ASAP1: variants seen among roughly 807,000 people sequenced by gnomAD.
ASAP1 encodes arf-GAP with SH3 domain, ANK repeat and PH domain-containing protein 1.
ASAP1 carries 43 observed loss-of-function variants against 145.2 expected under a neutral mutation model. The ratio of observed to expected loss-of-function variants is 0.30; its 90% confidence interval spans 0.23 to 0.38. The LOEUF is 0.38. Ranked by LOEUF, ASAP1 falls within the 10% of genes least tolerant of loss-of-function variation. The pLI, the probability that ASAP1 is intolerant of heterozygous loss-of-function variation, is 1.00. For missense variants in ASAP1, 1,018 were observed against 1,355.3 expected (o/e 0.75, Z 3.91); for synonymous variants, 546 against 515.5 (o/e 1.06, Z -0.80).
At chr8:130,239,286 C>T (rs1269000789) in intron 3 of ASAP1, among the ~76,000 whole-genome samples, 1 of 152,086 alleles carries the variant, frequency 6.6e-6, no homozygotes, top group African/African-American at 2.4e-5. Flanking sequence ...TAATATTTAA[C>T]ATATACTTGG....
chr8:130,426,099 C>A (rs1287224921), intron 1 of ASAP1, among the ~76,000 whole-genome samples: 1 of 152,132 alleles, frequency 6.6e-6, no homozygotes, highest in Non-Finnish European at 1.5e-5. Flanking sequence ...GTGATTGAAT[C>A]ATGAAAGGTG....
At chr8:130,413,754 T>C (rs572023478) in intron 1 of ASAP1, among the ~76,000 whole-genome samples, 1 of 152,334 alleles carries the variant, frequency 6.6e-6, no homozygotes, top group Non-Finnish European at 1.5e-5. Context: ...GGAATCCCTA[T>C]ATATCTGCAT....
intron 27 of ASAP1, among the ~76,000 whole-genome samples, chr8:130,065,842 C>T (rs1013546792): frequency 2.0e-5 from 3 of 152,184 alleles, no homozygotes; most frequent in Non-Finnish European, 4.4e-5. Flanking sequence ...GTACTAGCCT[C>T]ACTGTTCTTT....
chr8:130,428,079 G>T (rs1829990657), intron 1 of ASAP1, among the ~76,000 whole-genome samples: 1 of 152,084 alleles, frequency 6.6e-6, no homozygotes, highest in South Asian at 2.1e-4. Context: ...TTGTCTACAT[G>T]GTGACTCATG....
chr8:130,420,681 G>T (rs1829684213), intron 1 of ASAP1, among the ~76,000 whole-genome samples: 1 of 152,010 alleles, frequency 6.6e-6, no homozygotes, highest in African/African-American at 2.4e-5. Context: ...ATCACCTGAG[G>T]TCAGGAGTTC....
At chr8:130,220,296 G>A (rs141895149) in intron 4 of ASAP1, among the ~76,000 whole-genome samples, 20 of 152,138 alleles carry the variant, frequency 1.3e-4, no homozygotes, top group African/African-American at 2.7e-4. Flanking sequence ...AGTAATAATC[G>A]TTACAATAGC....
chr8:130,175,352 C>T (rs866594962), intron 9 of ASAP1, among the ~76,000 whole-genome samples: 4 of 152,116 alleles, frequency 2.6e-5, no homozygotes, highest in Non-Finnish European at 4.4e-5. Flanking sequence ...TCCCAAGTAG[C>T]TGGGAAAATA....
intron 1 of ASAP1, among the ~76,000 whole-genome samples, chr8:130,420,168 T>C (rs1309809589): frequency 6.6e-6 from 1 of 151,126 alleles, no homozygotes; most frequent in Admixed American, 6.6e-5. Flanking sequence ...CATTAGTCAT[T>C]AGGGAAATGC....
At chr8:130,065,250 G>GA (rs2097428215) in intron 27 of ASAP1, among the ~76,000 whole-genome samples, 1 of 152,138 alleles carries the variant, frequency 6.6e-6, no homozygotes, top group African/African-American at 2.4e-5. Context: ...GCGGGGTCTG[G>GA]AAGGGTCCTG....
At chr8:130,375,285 C>G (rs555671713) in intron 2 of ASAP1, among the ~76,000 whole-genome samples, 129 of 152,114 alleles carry the variant, frequency 8.5e-4, no homozygotes, top group Admixed American at 2.6e-3. Context: ...TTCTATTGGC[C>G]ACTGCAGGAA....
intron 1 of ASAP1, among the ~76,000 whole-genome samples, chr8:130,428,326 G>A (rs993069986): frequency 2.8e-5 from 4 of 140,516 alleles, no homozygotes; most frequent in Non-Finnish European, 4.6e-5. Context: ...GCCAGTGCTC[G>A]CTAAATTAAA....
At chr8:130,313,443 A>AATAAT (rs1823477286) in intron 3 of ASAP1, among the ~76,000 whole-genome samples, 1 of 152,190 alleles carries the variant, frequency 6.6e-6, no homozygotes, top group Non-Finnish European at 1.5e-5. Context: ...TTTGCTGTGC[A>AATAAT]ATAATAGGTC....
At chr8:130,176,490 T>C (rs1347655042) in intron 9 of ASAP1, among the ~76,000 whole-genome samples, 1 of 152,108 alleles carries the variant, frequency 6.6e-6, no homozygotes, top group Non-Finnish European at 1.5e-5. Flanking sequence ...TCTCAGAACA[T>C]CTCTCTCCCT....
At position 130,116,996 on chromosome 8, in the gene ASAP1, C is replaced by G. The variant is rs2097557295; in HGVS notation, c.1881-1G>C. ...GGCCGTCTGCTTATCCAGGTTCCCA[C>G]TGAAAAATTAGATGATGATTAGAAA... On this transcript the variant is annotated splice_acceptor_variant, in intron 20 of 29. Transcript: ENST00000518721. LOFTEE classifies it high-confidence loss of function. 2 of 1,594,664 alleles carry G rather than the reference C, an allele frequency of 1.3e-6. No homozygotes were observed. The highest frequency in any genetic ancestry group is 1.4e-5 in the African/African-American group (1 of 73,916).
intron 18 of ASAP1, among the ~76,000 whole-genome samples, chr8:130,119,867 T>C (rs1281139343): frequency 6.6e-6 from 1 of 152,122 alleles, no homozygotes; most frequent in South Asian, 2.1e-4. Context: ...GGATGTACAG[T>C]GCCTAAGAAG....
At chr8:130,293,532 A>C (rs1257011565) in intron 3 of ASAP1, among the ~76,000 whole-genome samples, 1 of 152,210 alleles carries the variant, frequency 6.6e-6, no homozygotes, top group Non-Finnish European at 1.5e-5. Context: ...CCCAGCTTAG[A>C]ATGACAGTAC....
At chr8:130,106,835 G>C (rs2097537557) in intron 24 of ASAP1, among the ~76,000 whole-genome samples, 1 of 152,100 alleles carries the variant, frequency 6.6e-6, no homozygotes, top group South Asian at 2.1e-4. Context: ...GCTCCTCCAG[G>C]AATACTCCCT....
At chr8:130,361,047 T>C (rs1214043389) in intron 2 of ASAP1, 1 of 155,100 alleles carries the variant, frequency 6.4e-6, no homozygotes, top group Admixed American at 6.3e-5. Context: ...TCCTCTAGGC[T>C]GGAAACAATT....
intron 16 of ASAP1, 151 bp from the exon 17 acceptor site, chr8:130,126,240 G>T: frequency 1.3e-6 from 1 of 749,808 alleles, no homozygotes. Context: ...GTTTAGCCTA[G>T]GGGCTACCAT....
Sources: gnomAD v4.1 joint callset for allele counts (sites outside exome capture counted in the v4.1 genomes callset) on GRCh38, gnomAD v4.1.1 for gene constraint, MANE v1.5 for transcripts, NCBI Gene and HGNC (gene_info 2026-07-23, HGNC 2026-07-21) for gene names.